ZYG11B: variants seen among roughly 807,000 people sequenced by gnomAD.
ZYG11B encodes the protein protein zyg-11 homolog B.
ZYG11B carries 36 observed loss-of-function variants against 82.4 expected under a neutral mutation model. The observed-to-expected ratio is 0.44, with a 90% CI of 0.33 to 0.58. ZYG11B has a LOEUF of 0.58. Ranked by LOEUF, ZYG11B falls within the 20% of genes least tolerant of loss-of-function variation. The pLI, the probability that ZYG11B is intolerant of heterozygous loss-of-function variation, is 0.02. For synonymous variants in ZYG11B, 303 were observed against 312.8 expected (o/e 0.97, Z 0.33); for missense variants, 552 against 895.6 (o/e 0.62, Z 4.90).
intron 1 of ZYG11B, among the ~76,000 whole-genome samples, chr1:52,738,432 C>T (rs760070557): frequency 2.0e-5 from 3 of 152,066 alleles, no homozygotes; most frequent in South Asian, 2.1e-4. Flanking sequence ...CTGCCCGCCT[C>T]GGCCTCCCAA....
At chr1:52,794,668 A>G (rs1417102942) in intron 6 of ZYG11B, among the ~76,000 whole-genome samples, 2 of 152,170 alleles carry the variant, frequency 1.3e-5, no homozygotes, top group African/African-American at 4.8e-5. Context: ...TCAATGTGTC[A>G]AAGAAACCAC....
In ZYG11B at chr1:52,827,113, C is replaced by T. The variant is rs1645331332; in HGVS notation, c.*5484C>T. ...TTTGAATTCTGATAGAACAGTTTAA[C>T]TCCTTTCTAAGGATATAAAAAATTC... On this transcript the variant is annotated 3_prime_UTR_variant, in exon 14 of 14. Transcript: ENST00000294353. 2 of 152,180 alleles carry T rather than the reference C, an allele frequency of 1.3e-5. No homozygotes were observed. Among genetic ancestry groups the T allele is most frequent in the South Asian group, 4.1e-4 (2 of 4,836 alleles). 9.4% of individuals were successfully genotyped at this position (152,180 alleles called of 1,614,324 possible).
chr1:52,749,237 AAGAT>A (rs1184178269), intron 1 of ZYG11B, among the ~76,000 whole-genome samples: 2 of 152,074 alleles, frequency 1.3e-5, no homozygotes, highest in Non-Finnish European at 2.9e-5. Flanking sequence ...TAAAAAAAGA[AAGAT>A]GAGTGAGATT....
chr1:52,796,944 ATG>A (rs1407720830), intron 8 of ZYG11B, among the ~76,000 whole-genome samples, 160 bp downstream of exon 8: 1 of 98,316 alleles, frequency 1.0e-5, no homozygotes, highest in African/African-American at 4.2e-5. Context: ...ATTATATATA[ATG>A]TATAATTATA....
At position 52,821,523 on chromosome 1, in the gene ZYG11B, A is replaced by G. The variant is rs1238085490; in HGVS notation, c.2129A>G (p.His710Arg). The G allele has an allele frequency of 6.2e-7, 1 of 1,614,182 alleles. No individual in the cohort carries two copies. The highest frequency in any genetic ancestry group is 8.5e-7 in the Non-Finnish European group (1 of 1,180,012). Residue 710 changes from histidine (H) to arginine (R), a missense_variant, in exon 14 of 14, where the codon CAT (histidine) becomes CGT (arginine). Physicochemically the swap from His to Arg is conservative, Grantham distance 29 (BLOSUM62 0). Transcript: ENST00000294353. ...AAAGATCATGAACATACTGATCCCC[A>G]TGTCCAACAGATTGCTGTGGCCATT... Reference protein sequence around the residue: ...NIKDHEHTDPHVQQIAVAILD... With the variant: ...NIKDHEHTDPRVQQIAVAILD...
intron 7 of ZYG11B, 31 bp from the exon 8 acceptor site, chr1:52,796,703 G>C: frequency 6.3e-7 from 1 of 1,577,132 alleles, no homozygotes; most frequent in Admixed American, 1.8e-5. Context: ...TGAGTTCTTG[G>C]ACATTGAATT....
In ZYG11B at chr1:52,726,624, G is replaced by T. The variant is rs574368227; in HGVS notation, c.-30G>T. ...CAGCCTGGGGGCGGGCTCCGGTCCGGCCCGCCGCCGCACCCAGGACGGAGG... is the reference window on the plus strand; with the variant it reads ...CAGCCTGGGGGCGGGCTCCGGTCCGTCCCGCCGCCGCACCCAGGACGGAGG... On this transcript the variant is annotated 5_prime_UTR_variant, in exon 1 of 14. Coordinates refer to ENST00000294353, the MANE Select transcript of ZYG11B (RefSeq NM_024646.3). The T allele has an allele frequency of 9.8e-6, 14 of 1,430,124 alleles. 2 individuals are homozygous for T. The South Asian group carries it at 2.0e-4, about 20-fold the overall frequency. The allele number at this position is 1,430,124 out of a possible 1,614,324, so 88.6% of individuals were successfully genotyped here. A position where few individuals can be genotyped will look rare whatever the true frequency, so the allele number is the denominator to read the frequency against.
At chr1:52,790,998 G>T (rs556369600) in intron 6 of ZYG11B, among the ~76,000 whole-genome samples, 1 of 151,270 alleles carries the variant, frequency 6.6e-6, no homozygotes, top group South Asian at 2.1e-4. Flanking sequence ...TTGAGAAAGG[G>T]TCTCACTCTG....
intron 12 of ZYG11B, among the ~76,000 whole-genome samples, chr1:52,814,924 G>C (rs1244956854): frequency 6.6e-6 from 1 of 152,184 alleles, no homozygotes; most frequent in Non-Finnish European, 1.5e-5. Context: ...TTGGGAGGCT[G>C]AGGTGGGTGG....
At chr1:52,803,632 C>T (rs1482679787) in intron 10 of ZYG11B, among the ~76,000 whole-genome samples, 1 of 152,078 alleles carries the variant, frequency 6.6e-6, no homozygotes, top group Non-Finnish European at 1.5e-5. Flanking sequence ...CAGAGTCTGT[C>T]ACTCTGTTGC....
chr1:52,736,012 T>A (rs1352241969), intron 1 of ZYG11B, among the ~76,000 whole-genome samples: 1 of 152,190 alleles, frequency 6.6e-6, no homozygotes, highest in Non-Finnish European at 1.5e-5. Context: ...GCATTAAAAA[T>A]ATCAAGATAT....
intron 1 of ZYG11B, among the ~76,000 whole-genome samples, chr1:52,755,465 T>G (rs1333010628): frequency 1.3e-5 from 2 of 152,148 alleles, no homozygotes; most frequent in Non-Finnish European, 2.9e-5. Flanking sequence ...CTATTCTAGG[T>G]GTTGCATTTC....
At position 52,796,382 on chromosome 1, in the gene ZYG11B, G is replaced by C; in HGVS notation, c.1425G>C (p.Leu475=). Residue 475 remains leucine, a synonymous_variant, in exon 7 of 14, where the codon CTG becomes CTC. Coordinates refer to ENST00000294353, the MANE Select transcript of ZYG11B (RefSeq NM_024646.3). ...TGGCAGTTGCTATCATTTCTATCCT[G>C]GCTGCCAAGGTACCTGAACTCTTGC... is the stretch of plus-strand genomic sequence containing the variant. ...QRMAVAIISI[L]AAKLSTEQTA... is the part of the protein sequence containing the mutation. 3.7e-6 allele frequency: 6 copies of C among 1,612,884 alleles called. No individual in the cohort carries two copies. The highest frequency in any genetic ancestry group is 5.1e-6 in the Non-Finnish European group (6 of 1,179,278).
intron 2 of ZYG11B, among the ~76,000 whole-genome samples, chr1:52,765,715 C>G (rs567522303): frequency 6.6e-6 from 1 of 152,186 alleles, no homozygotes; most frequent in East Asian, 1.9e-4. Context: ...GTTGCCCAGG[C>G]TGGTCTCAAA....
chr1:52,817,780 T>TATATAC (rs1645240481), intron 13 of ZYG11B, among the ~76,000 whole-genome samples: 1 of 16,956 alleles, frequency 5.9e-5, no homozygotes. Context: ...TATATGTGTA[T>TATATAC]ATATATATAT....
intron 2 of ZYG11B, among the ~76,000 whole-genome samples, chr1:52,759,191 C>T (rs1050018763): frequency 9.9e-5 from 15 of 152,144 alleles, no homozygotes; most frequent in Admixed American, 7.2e-4. Context: ...CTCGGCCTCC[C>T]AAAGTGCTGG....
In ZYG11B at chr1:52,726,561, G is replaced by A. The variant is rs1294653688; in HGVS notation, c.-93G>A. ...CGAGGCCTGGGCCAAGCCCGGAGCC[G>A]CCGCTCGCCGGAGCCTCCTGGAGCC... is the stretch of plus-strand genomic sequence containing the variant. On this transcript the variant is annotated 5_prime_UTR_variant, in exon 1 of 14. Transcript: ENST00000294353. The A allele has an allele frequency of 1.6e-6, 2 of 1,265,800 alleles. No individual in the cohort carries two copies. The highest frequency in any genetic ancestry group is 2.0e-6 in the Non-Finnish European group (2 of 989,972). The allele number at this position is 1,265,800 out of a possible 1,614,324, so 78.4% of individuals were successfully genotyped here.
At chr1:52,773,627 ATTTTTTTTTTTTTT>A (rs560456264) in intron 3 of ZYG11B, among the ~76,000 whole-genome samples, 14 of 29,206 alleles carry the variant, frequency 4.8e-4, no homozygotes, top group African/African-American at 2.4e-3. Flanking sequence ...ATATATATAT[ATTTTTTTTTTTTTT>A]TTTTTTTTTT....
chr1:52,751,786 G>A (rs920019793), intron 1 of ZYG11B, among the ~76,000 whole-genome samples: 3 of 152,116 alleles, frequency 2.0e-5, no homozygotes, highest in African/African-American at 7.2e-5. Context: ...TTCTTTCTGG[G>A]CTGGTTGCCA....
Sources: allele counts gnomAD v4.1 joint callset (sites outside exome capture counted in the v4.1 genomes callset), GRCh38; gene constraint gnomAD v4.1.1; transcripts MANE v1.5; gene names NCBI Gene and HGNC (gene_info 2026-07-23, HGNC 2026-07-21).